DLG2: variants seen among roughly 807,000 people sequenced by gnomAD.
DLG2 encodes the protein disks large homolog 2.
A neutral mutation model predicts 132.5 loss-of-function variants in DLG2; 45 were observed. The observed-to-expected ratio is 0.34, with a 90% CI of 0.27 to 0.44. The LOEUF is 0.44. Ranked by LOEUF, DLG2 falls within the 20% of genes least tolerant of loss-of-function variation. DLG2 has a pLI of 1.00. For missense variants in DLG2, 1,045 were observed against 1,196.9 expected (o/e 0.87, Z 1.87); for synonymous variants, 424 against 419.6 (o/e 1.01, Z -0.13).
At chr11:84,206,286 A>G (rs2096664316) in intron 8 of DLG2, among the ~76,000 whole-genome samples, 1 of 152,106 alleles carries the variant, frequency 6.6e-6, no homozygotes, top group Non-Finnish European at 1.5e-5. Context: ...CCATGTCCAC[A>G]TGGCCTTGCT....
intron 3 of DLG2, among the ~76,000 whole-genome samples, chr11:85,422,591 G>C (rs1442965680): frequency 6.6e-6 from 1 of 151,704 alleles, no homozygotes; most frequent in African/African-American, 2.4e-5. Flanking sequence ...TGTTTTTTGA[G>C]ATGATTCTCT....
chr11:85,100,633 A>C (rs983658265), intron 6 of DLG2, among the ~76,000 whole-genome samples: 28 of 152,268 alleles, frequency 1.8e-4, no homozygotes, highest in African/African-American at 6.7e-4. Flanking sequence ...GTAACAGTAC[A>C]CCACCCAAGG....
rs149295098 is a variant in DLG2 at position 83,945,981 on chromosome 11, TTC to T, written c.1341-15500_1341-15499del. ...TCCTTCCTTCCTTTTCTCTTTCTCT[TTC>T]TCTCTCTCTCTTTTTTTTTTTTTTT... is the stretch of plus-strand genomic sequence containing the variant. On this transcript the variant is annotated intron_variant, in intron 14 of 27. Coordinates refer to ENST00000376104, the MANE Select transcript of DLG2 (RefSeq NM_001142699.3). Among the ~76,000 whole-genome samples, 1,063 of 137,454 alleles carry T rather than the reference TTC, an allele frequency of 7.7e-3. 32 individuals carry two copies. Among genetic ancestry groups the T allele is most frequent in the African/African-American group, 0.011 (392 of 35,286 alleles). The allele number at this position is 137,454 out of a possible 152,430, so 90.2% of individuals were successfully genotyped here.
intron 21 of DLG2, 37 bp from the exon 22 acceptor site, chr11:83,484,265 A>G: frequency 6.8e-7 from 1 of 1,470,676 alleles, no homozygotes; most frequent in Non-Finnish European, 9.5e-7. Flanking sequence ...AAAACAGGGG[A>G]CGTCTAATTG....
At position 85,390,415 on chromosome 11, in the gene DLG2, T is replaced by C. The variant is rs531090684; in HGVS notation, c.41-105050A>G. Among the ~76,000 whole-genome samples, 5 of 152,214 alleles carry C rather than the reference T, an allele frequency of 3.3e-5. No homozygotes were observed. In the East Asian group the frequency reaches 7.7e-4, roughly 23 times the overall value. ...AAACACAATAATAGTGGGGACTTCA[T>C]TATTCCACTGGCAGCACAAGACAGG... On this transcript the variant is annotated intron_variant, in intron 3 of 27. Coordinates refer to ENST00000376104, the MANE Select transcript of DLG2 (RefSeq NM_001142699.3).
chr11:84,496,922 G>C (rs746541718), intron 7 of DLG2, among the ~76,000 whole-genome samples: 19 of 152,214 alleles, frequency 1.2e-4, no homozygotes, highest in Non-Finnish European at 2.5e-4. Context: ...TACTTAATAT[G>C]AAGTAGGAAG....
At chr11:84,918,399 C>T (rs1162094974) in intron 6 of DLG2, among the ~76,000 whole-genome samples, 1 of 152,034 alleles carries the variant, frequency 6.6e-6, no homozygotes, top group African/African-American at 2.4e-5. Flanking sequence ...GGTTCCAGTT[C>T]TTCGAAGATA....
At chr11:83,607,685 A>G (rs2059545889) in intron 19 of DLG2, among the ~76,000 whole-genome samples, 1 of 152,260 alleles carries the variant, frequency 6.6e-6, no homozygotes. Flanking sequence ...AACTCTATTC[A>G]TAAGAGCCAC....
intron 19 of DLG2, 94 bp from the exon 20 acceptor site, chr11:83,541,952 C>T: frequency 8.1e-7 from 1 of 1,237,594 alleles, no homozygotes; most frequent in Non-Finnish European, 1.1e-6. Context: ...GCTCTGAGAA[C>T]CTATCATCAC....
In DLG2 at chr11:84,508,131, C is replaced by T. The variant is rs954577497; in HGVS notation, c.519+26439G>A. ...CTCATTCTGAATGAAACCACCAGTT[C>T]TTACTTTGTCTTATGATACACACAT... On this transcript the variant is annotated intron_variant, in intron 7 of 27. Transcript: ENST00000376104. 1.2e-4 allele frequency among the ~76,000 whole-genome samples: 18 copies of T among 152,178 alleles called. 1 individual carries two copies. Among genetic ancestry groups the T allele is most frequent in the Admixed American group, 3.3e-4 (5 of 15,284 alleles).
At chr11:84,110,859 A>G (rs746605337) in intron 9 of DLG2, among the ~76,000 whole-genome samples, 47 of 152,216 alleles carry the variant, frequency 3.1e-4, no homozygotes, top group Admixed American at 1.3e-4. Context: ...GAGCAAACAC[A>G]TCTGCAAGCC....
chr11:85,125,632 A>G (rs895578007), intron 5 of DLG2, among the ~76,000 whole-genome samples: 7 of 152,182 alleles, frequency 4.6e-5, no homozygotes, highest in Non-Finnish European at 1.0e-4. Flanking sequence ...AGAGAATAAT[A>G]GTGAATGGGA....
At chr11:84,301,915 A>G (rs1402459353) in intron 7 of DLG2, among the ~76,000 whole-genome samples, 4 of 152,178 alleles carry the variant, frequency 2.6e-5, no homozygotes, top group Non-Finnish European at 4.4e-5. Flanking sequence ...TTATTGCAAC[A>G]CTATTCACAG....
chr11:85,319,288 T>C (rs2080892087), intron 3 of DLG2, among the ~76,000 whole-genome samples: 1 of 151,762 alleles, frequency 6.6e-6, no homozygotes, highest in East Asian at 1.9e-4. Context: ...AAGTTGAAAA[T>C]AGTAATTTAT....
Position 84,754,770 on chromosome 11 carries a change from T to C in DLG2, c.358-220039A>G, listed in dbSNP as rs530154481. On this transcript the variant is annotated intron_variant, in intron 6 of 27. Coordinates refer to ENST00000376104, the MANE Select transcript of DLG2 (RefSeq NM_001142699.3). ...AATGTGCAAAACCAAGAGTAAACCT[T>C]AGCGTGAACCATGGACTTAGGTGAT... Among the ~76,000 whole-genome samples, 3 of 152,278 alleles carry C rather than the reference T, an allele frequency of 2.0e-5. No individual in the cohort carries two copies. In the East Asian group the frequency reaches 5.8e-4, roughly 29 times the overall value.
intron 6 of DLG2, among the ~76,000 whole-genome samples, chr11:84,630,224 C>T (rs1445904703): frequency 6.6e-6 from 1 of 152,122 alleles, no homozygotes; most frequent in East Asian, 1.9e-4. Flanking sequence ...CTAATAGCCT[C>T]TAGGGTAGGG....
intron 7 of DLG2, among the ~76,000 whole-genome samples, chr11:84,341,480 G>A (rs1333523838): frequency 6.6e-6 from 1 of 152,208 alleles, no homozygotes; most frequent in Admixed American, 6.5e-5. Context: ...GGCTGCACAT[G>A]AGAATCTGTT....
chr11:84,492,406 G>C (rs906694371), intron 7 of DLG2, among the ~76,000 whole-genome samples: 1 of 152,106 alleles, frequency 6.6e-6, no homozygotes, highest in East Asian at 1.9e-4. Context: ...GGCTTTTGTA[G>C]AGCCAATGTT....
intron 8 of DLG2, among the ~76,000 whole-genome samples, chr11:84,186,162 C>A (rs1170719335): frequency 1.3e-5 from 2 of 152,026 alleles, no homozygotes; most frequent in Non-Finnish European, 2.9e-5. Flanking sequence ...TTGTGTTTAT[C>A]CTGCTTAAAA....
Sources: allele counts gnomAD v4.1 joint callset (sites outside exome capture counted in the v4.1 genomes callset), GRCh38; gene constraint gnomAD v4.1.1; transcripts MANE v1.5; gene names NCBI Gene and HGNC (gene_info 2026-07-23, HGNC 2026-07-21).